Variants in MYOM2 observed in about 807,000 individuals in gnomAD.
MYOM2 encodes myomesin 2.
A neutral mutation model predicts 187.6 loss-of-function variants in MYOM2; 254 were observed. The observed-to-expected ratio is 1.35, with a 90% confidence interval of 1.22 to 1.50. The LOEUF (loss-of-function observed/expected upper bound fraction) is 1.50. Among genes scored for constraint, MYOM2 ranks in the 40% most tolerant of loss-of-function variants. The pLI is 0.00. For synonymous variants in MYOM2, 981 were observed against 753.8 expected, an observed-to-expected ratio of 1.30 and a Z score of -4.94; for missense variants, 2,796 against 1,924.0, an observed-to-expected ratio of 1.45 and a Z score of -8.48.
At chr8:2,106,113 A>C in intron 21 of MYOM2, 129 bp from the exon 22 acceptor site, 1 of 920,614 alleles carries the variant, frequency 1.1e-6, no homozygotes, top group Non-Finnish European at 1.7e-6. Context: ...CTCCCTCTAC[A>C]CTTGGGGATT....
chr8:2,079,124 C>T (rs1819535016), intron 12 of MYOM2, among the ~76,000 whole-genome samples, 191 bp downstream of exon 12: 3 of 152,154 alleles, frequency 2.0e-5, no homozygotes, highest in South Asian at 2.1e-4. Flanking sequence ...AACGGGCTGA[C>T]GTACACTCTA....
intron 5 of MYOM2, among the ~76,000 whole-genome samples, chr8:2,058,176 G>A (rs562595494): frequency 5.3e-5 from 8 of 151,846 alleles, no homozygotes; most frequent in African/African-American, 1.7e-4. Context: ...ACGCCACCAC[G>A]CCTGGCTAAT....
intron 6 of MYOM2, among the ~76,000 whole-genome samples, chr8:2,064,443 C>T (rs368941695): frequency 6.6e-6 from 1 of 152,224 alleles, no homozygotes; most frequent in Non-Finnish European, 1.5e-5. Flanking sequence ...AGTGGGGCCA[C>T]CGCCGTCGTC....
intron 1 of MYOM2, among the ~76,000 whole-genome samples, chr8:2,048,715 T>C (rs1382105351): frequency 2.0e-5 from 3 of 152,224 alleles, no homozygotes; most frequent in Non-Finnish European, 2.9e-5. Flanking sequence ...TGCACTATGA[T>C]ACTGCCTTCA....
chr8:2,073,187 C>G (rs1563431529), intron 9 of MYOM2, 152 bp from the exon 10 acceptor site: 1 of 787,328 alleles, frequency 1.3e-6, no homozygotes, highest in Non-Finnish European at 2.0e-6. Context: ...CGAAGTGCAG[C>G]TGTTGGGATT....
intron 28 of MYOM2, among the ~76,000 whole-genome samples, chr8:2,121,087 T>A (rs774155081): frequency 4.6e-5 from 7 of 152,132 alleles, no homozygotes; most frequent in Non-Finnish European, 1.0e-4. Flanking sequence ...TCCTGCCAGG[T>A]GACTGATGAT....
In MYOM2 at chr8:2,143,221, C is replaced by G. The variant is rs1301381437; in HGVS notation, c.4025-180C>G. ...GTCTGTTATCTCCTCATCTACCTTC[C>G]CTTGGCTTTGGTTTATCCCTCAACT... On this transcript the variant is annotated intron_variant, in intron 35 of 36. Coordinates refer to ENST00000262113, the MANE Select transcript of MYOM2 (RefSeq NM_003970.4). The G allele has an allele frequency of 8.7e-6, 6 of 692,926 alleles. No individual in the cohort carries two copies. The African/African-American group carries it at 1.1e-4, about 12-fold the overall frequency. 42.9% of individuals were successfully genotyped at this position (692,926 alleles called of 1,614,324 possible).
chr8:2,108,944 C>A, intron 24 of MYOM2, 114 bp downstream of exon 24: 1 of 998,278 alleles, frequency 1.0e-6, no homozygotes, highest in Non-Finnish European at 1.5e-6. Context: ...GCCTGATTTC[C>A]TGATCCCAGC....
intron 6 of MYOM2, among the ~76,000 whole-genome samples, chr8:2,064,419 C>T (rs926209544): frequency 8.5e-5 from 13 of 152,214 alleles, no homozygotes; most frequent in African/African-American, 1.7e-4. Context: ...CTTAGCGGGG[C>T]GCCTCCTGCA....
At chr8:2,117,023 A>G (rs1346541078) in intron 27 of MYOM2, among the ~76,000 whole-genome samples, 1 of 152,238 alleles carries the variant, frequency 6.6e-6, no homozygotes, top group Non-Finnish European at 1.5e-5. Context: ...TTGGCCTCCC[A>G]AAGTGCTGGG....
At position 2,144,919 on chromosome 8, in the gene MYOM2, G is replaced by A. The variant is rs151252256; in HGVS notation, c.4336G>A (p.Ala1446Thr). 1.1e-4 allele frequency: 171 copies of A among 1,614,106 alleles called. No homozygotes were observed. In the African/African-American group the frequency reaches 2.0e-3, roughly 19 times the overall value. ...ACACGGGGAGAAGATCCCGGACATG[G>A]CCCCGCCCCAGCAAGCCAAGCCCAA... ...YKHGEKIPDM[A>T]PPQQAKPKLI... Residue 1446 changes from alanine to threonine, a missense_variant, in exon 37 of 37, where the codon GCC (alanine) becomes ACC (threonine). Transcript: ENST00000262113.
chr8:2,096,395 C>G lies in MYOM2; in HGVS notation c.2274C>G (p.His758Gln), dbSNP rs575928170. 10 of 1,614,120 alleles carry G rather than the reference C, an allele frequency of 6.2e-6. No individual in the cohort carries two copies. The highest frequency in any genetic ancestry group is 5.3e-5 in the African/African-American group (4 of 74,956). ...GTGAAGTTCACCATAAAAACTGGCA[C>G]GAGGTCAATTCCTCACCCAGCAAAC... ...DKREVHHKNW[H>Q]EVNSSPSKPT... The change falls in exon 18 of 37, where the codon CAC becomes CAG. Residue 758 changes from histidine (H) to glutamine (Q), a missense_variant. Transcript: ENST00000262113.
At chr8:2,056,127 T>TA (rs1818656098) in intron 3 of MYOM2, among the ~76,000 whole-genome samples, 1 of 152,120 alleles carries the variant, frequency 6.6e-6, no homozygotes, top group African/African-American at 2.4e-5. Context: ...CTGGGAAGGA[T>TA]AAAATGTATG....
At chr8:2,047,084 A>G (rs1265604538) in intron 1 of MYOM2, among the ~76,000 whole-genome samples, 1 of 152,192 alleles carries the variant, frequency 6.6e-6, no homozygotes, top group Non-Finnish European at 1.5e-5. Context: ...CCACAGTCTG[A>G]AAAACAAATC....
intron 3 of MYOM2, among the ~76,000 whole-genome samples, chr8:2,055,723 C>T (rs538207262): frequency 3.3e-5 from 5 of 152,260 alleles, no homozygotes; most frequent in South Asian, 2.1e-4. Flanking sequence ...CCATCGGAGC[C>T]GTGTGGGGTT....
chr8:2,061,081 G>C (rs1186952463), intron 6 of MYOM2, among the ~76,000 whole-genome samples: 1 of 152,134 alleles, frequency 6.6e-6, no homozygotes, highest in African/African-American at 2.4e-5. Context: ...CGAGGGAGGG[G>C]CTTGAGTTGG....
At chr8:2,059,411 T>G (rs1280903795) in intron 6 of MYOM2, among the ~76,000 whole-genome samples, 166 bp downstream of exon 6, 1 of 152,178 alleles carries the variant, frequency 6.6e-6, no homozygotes, top group Non-Finnish European at 1.5e-5. Context: ...GTTGGAAGCT[T>G]CCCTTTGTTT....
At chr8:2,073,702 G>A (rs1349035695) in intron 10 of MYOM2, among the ~76,000 whole-genome samples, 1 of 152,192 alleles carries the variant, frequency 6.6e-6, no homozygotes, top group African/African-American at 2.4e-5. Context: ...CGGAAGAATC[G>A]GGACACAATC....
At chr8:2,143,936 G>T (rs1365377474) in intron 36 of MYOM2, among the ~76,000 whole-genome samples, 2 of 152,226 alleles carry the variant, frequency 1.3e-5, no homozygotes. Context: ...ACACATCGTG[G>T]AAGCCACTTA....
Sources: allele counts gnomAD v4.1 joint callset (sites outside exome capture counted in the v4.1 genomes callset), GRCh38; gene constraint gnomAD v4.1.1; transcripts MANE v1.5; gene names NCBI Gene and HGNC (gene_info 2026-07-23, HGNC 2026-07-21).